RNF150: variants seen among roughly 807,000 people sequenced by gnomAD.
The protein encoded by RNF150 is ring finger protein 150.
RNF150 carries 24 observed loss-of-function variants against 39.3 expected under a neutral mutation model. The ratio of observed to expected loss-of-function variants is 0.61; its 90% CI spans 0.44 to 0.86. The LOEUF is 0.86. RNF150 is among the 40% of genes least tolerant of loss of function. The pLI is 0.00. For synonymous variants in RNF150, 255 were observed against 227.3 expected, an observed-to-expected ratio of 1.12 and a Z score of -1.10; for missense variants, 502 against 587.8, an observed-to-expected ratio of 0.85 and a Z score of 1.51.
intron 1 of RNF150, among the ~76,000 whole-genome samples, chr4:140,990,637 C>G (rs1579032310): frequency 6.6e-6 from 1 of 152,196 alleles, no homozygotes; most frequent in Admixed American, 6.5e-5. Flanking sequence ...GCTTCCAGCT[C>G]CATCCATGTC....
At chr4:141,077,319 A>G (rs988556611) in intron 1 of RNF150, among the ~76,000 whole-genome samples, 3 of 152,186 alleles carry the variant, frequency 2.0e-5, no homozygotes, top group Admixed American at 2.0e-4. Flanking sequence ...ACTACTCCGG[A>G]GTGAACTGTT....
intron 1 of RNF150, among the ~76,000 whole-genome samples, chr4:141,001,458 T>C (rs1037735447): frequency 3.3e-5 from 5 of 152,128 alleles, no homozygotes. Context: ...TTTTTAATTA[T>C]AAAAGAAGAT....
At chr4:141,022,959 A>G (rs975757349) in intron 1 of RNF150, among the ~76,000 whole-genome samples, 2 of 152,168 alleles carry the variant, frequency 1.3e-5, no homozygotes, top group African/African-American at 4.8e-5. Context: ...TATTTTTTCA[A>G]CTTATACCTC....
chr4:140,943,322 T>C (rs1018116790), intron 4 of RNF150, among the ~76,000 whole-genome samples: 7 of 152,200 alleles, frequency 4.6e-5, no homozygotes, highest in African/African-American at 1.7e-4. Context: ...GTAAATGATA[T>C]TGACAATAGT....
At chr4:140,956,975 C>T (rs1167058201) in intron 2 of RNF150, among the ~76,000 whole-genome samples, 2 of 149,958 alleles carry the variant, frequency 1.3e-5, no homozygotes, top group Non-Finnish European at 3.0e-5. Context: ...TAGGCATTAC[C>T]ATTCAGGACA....
intron 1 of RNF150, among the ~76,000 whole-genome samples, chr4:141,128,642 C>T (rs1287070233): frequency 6.6e-6 from 1 of 152,082 alleles, no homozygotes; most frequent in Non-Finnish European, 1.5e-5. Flanking sequence ...CTATGGCCTT[C>T]TTGGTGCTCT....
At position 141,063,604 on chromosome 4, in the gene RNF150, CA is replaced by C. The variant is rs1190284465; in HGVS notation, c.484+68720del. Among the ~76,000 whole-genome samples, 3 of 152,114 alleles carry C rather than the reference CA, an allele frequency of 2.0e-5. No homozygotes were observed. The East Asian group carries it at 5.8e-4, about 29-fold the overall frequency. On this transcript the variant is annotated intron_variant, in intron 1 of 6. Coordinates refer to ENST00000515673, the MANE Select transcript of RNF150 (RefSeq NM_020724.2). ...TGTGCCACCTTACATTTCCAGTAGCCACCTGGGAAAGGGCTGGATGGGGGTG... is the reference window on the plus strand; with the variant it reads ...TGTGCCACCTTACATTTCCAGTAGCCCCTGGGAAAGGGCTGGATGGGGGTG...
At chr4:141,153,026 ATCAT>A (rs560540698) in intron 1 of RNF150, among the ~76,000 whole-genome samples, 86 of 152,176 alleles carry the variant, frequency 5.7e-4, no homozygotes, top group Non-Finnish European at 1.0e-3. Context: ...ATTCCCAGGA[ATCAT>A]TCGCAACATC....
At chr4:140,977,795 C>T (rs1579021788) in intron 1 of RNF150, among the ~76,000 whole-genome samples, 1 of 152,100 alleles carries the variant, frequency 6.6e-6, no homozygotes. Context: ...AAAGAATATC[C>T]ATATTACACT....
At chr4:141,177,697 C>T (rs1211705092) in intron 1 of RNF150, among the ~76,000 whole-genome samples, 2 of 152,098 alleles carry the variant, frequency 1.3e-5, no homozygotes, top group Admixed American at 6.5e-5. Context: ...TTTTCTCCGA[C>T]ATTATAGAAG....
At chr4:141,191,691 T>A (rs1299271285) in intron 1 of RNF150, among the ~76,000 whole-genome samples, 1 of 152,256 alleles carries the variant, frequency 6.6e-6, no homozygotes, top group African/African-American at 2.4e-5. Flanking sequence ...ATATACTTTG[T>A]AGATGTATTG....
intron 1 of RNF150, among the ~76,000 whole-genome samples, chr4:141,032,470 G>A (rs368218934): frequency 3.9e-5 from 6 of 152,070 alleles, no homozygotes; most frequent in Admixed American, 6.6e-5. Context: ...ATACACAAAC[G>A]TAACTACTAA....
intron 2 of RNF150, among the ~76,000 whole-genome samples, chr4:140,954,262 G>C (rs1300314524): frequency 6.6e-6 from 1 of 152,026 alleles, no homozygotes; most frequent in Non-Finnish European, 1.5e-5. Flanking sequence ...CACCCAGGCT[G>C]GAGTGCAATG....
intron 1 of RNF150, among the ~76,000 whole-genome samples, chr4:141,170,752 A>C (rs1727702437): frequency 6.6e-6 from 1 of 152,214 alleles, no homozygotes; most frequent in Non-Finnish European, 1.5e-5. Flanking sequence ...CAGAAAGCAA[A>C]TGGTAAATCA....
chr4:141,189,073 G>A (rs767137144), intron 1 of RNF150, among the ~76,000 whole-genome samples: 12 of 152,148 alleles, frequency 7.9e-5, no homozygotes, highest in Non-Finnish European at 1.0e-4. Context: ...TTGCATGGGC[G>A]TCCTTTTTGT....
chr4:141,099,572 C>A (rs962420981), intron 1 of RNF150, among the ~76,000 whole-genome samples: 1 of 152,010 alleles, frequency 6.6e-6, no homozygotes. Context: ...GTATCTTCAC[C>A]AAAAGTGAGG....
At position 141,169,525 on chromosome 4, in the gene RNF150, G is replaced by A. The variant is rs1426604501; in HGVS notation, c.-6+43269C>T. Among the ~76,000 whole-genome samples the A allele has an allele frequency of 2.6e-5, 4 of 152,146 alleles. No individual in the cohort carries two copies. In the East Asian group the frequency reaches 7.7e-4, roughly 29 times the overall value. ...GCAGAGAATCAGAGTAATTCTTTAG[G>A]AAGGAGAAACAAAATACTCACATGT... On this transcript the variant is annotated intron_variant, in intron 1 of 7. Transcript: ENST00000420921.
intron 6 of RNF150, among the ~76,000 whole-genome samples, chr4:140,903,435 T>A (rs575147912): frequency 2.2e-4 from 33 of 152,322 alleles, no homozygotes; most frequent in Admixed American, 8.5e-4. Context: ...CACTTCCCCA[T>A]GATTTGCTTT....
At chr4:140,960,862 G>GGAAATTGGATT (rs1732992848) in intron 2 of RNF150, among the ~76,000 whole-genome samples, 1 of 152,036 alleles carries the variant, frequency 6.6e-6, no homozygotes, top group Non-Finnish European at 1.5e-5. Context: ...TCCAAGAATT[G>GGAAATTGGATT]CTTTATCCAC....
Sources: allele counts gnomAD v4.1 joint callset (sites outside exome capture counted in the v4.1 genomes callset), GRCh38; gene constraint gnomAD v4.1.1; transcripts MANE v1.5; gene names NCBI Gene and HGNC (gene_info 2026-07-23, HGNC 2026-07-21).